The following PCDH7 variants were observed in gnomAD, a reference collection of about 807,000 sequenced individuals.
PCDH7 encodes protocadherin 7, also known as protocadherin-7.
Under a neutral mutation model 58.9 loss-of-function variants are expected in PCDH7, and 17 were observed. The ratio of observed to expected loss-of-function variants is 0.29; its 90% CI spans 0.20 to 0.43. The LOEUF is 0.43. PCDH7 is among the 20% of genes least tolerant of loss of function. PCDH7 has a pLI of 1.00. For missense variants in PCDH7, 1,274 were observed against 1,441.0 expected, an observed-to-expected ratio of 0.88 and a Z score of 1.88; for synonymous variants, 664 against 616.4, an observed-to-expected ratio of 1.08 and a Z score of -1.14.
intron 3 of PCDH7, among the ~76,000 whole-genome samples, chr4:31,092,164 A>G (rs542789256): frequency 2.0e-5 from 3 of 152,196 alleles, no homozygotes; most frequent in South Asian, 4.1e-4. Flanking sequence ...TATTTTCTAT[A>G]TATACATAGT....
At chr4:31,048,708 T>C (rs1440227910) in intron 3 of PCDH7, among the ~76,000 whole-genome samples, 1 of 151,754 alleles carries the variant, frequency 6.6e-6, no homozygotes, top group Non-Finnish European at 1.5e-5. Context: ...ACTAGTACTG[T>C]TGAAAAGAGA....
downstream of PCDH7, among the ~76,000 whole-genome samples, chr4:30,734,735 AG>A (rs1716009430): frequency 6.6e-6 from 1 of 152,142 alleles, no homozygotes; most frequent in Non-Finnish European, 1.5e-5. Context: ...TGCTGGGCTT[AG>A]AGGAGGCACT....
intron 3 of PCDH7, among the ~76,000 whole-genome samples, chr4:31,090,262 T>C (rs1389818197): frequency 6.6e-6 from 1 of 152,110 alleles, no homozygotes; most frequent in African/African-American, 2.4e-5. Context: ...ATTCTTTTTT[T>C]AGAAAATGTT....
intron 3 of PCDH7, among the ~76,000 whole-genome samples, chr4:31,136,845 A>G (rs956790534): frequency 2.6e-5 from 4 of 152,092 alleles, no homozygotes; most frequent in South Asian, 2.1e-4. Context: ...TTGTCTCCTC[A>G]CCTCCAATCT....
intron 3 of PCDH7, among the ~76,000 whole-genome samples, chr4:31,024,783 C>T (rs1754293629): frequency 6.6e-6 from 1 of 152,048 alleles, no homozygotes; most frequent in Admixed American, 6.6e-5. Context: ...ACTCTGTTGC[C>T]TAGGCTGGAG....
At chr4:30,960,235 A>G (rs1463570762) in intron 3 of PCDH7, among the ~76,000 whole-genome samples, 3 of 151,938 alleles carry the variant, frequency 2.0e-5, no homozygotes, top group Non-Finnish European at 4.4e-5. Flanking sequence ...TGGAGATGCT[A>G]CATCCAAGTA....
intron 3 of PCDH7, among the ~76,000 whole-genome samples, chr4:31,057,093 G>A (rs1055657185): frequency 6.6e-6 from 1 of 152,128 alleles, no homozygotes; most frequent in African/African-American, 2.4e-5. Flanking sequence ...ATTCATAAAT[G>A]TACTTTATTA....
chr4:30,771,750 A>G (rs929215993), intron 1 of PCDH7, among the ~76,000 whole-genome samples: 1 of 152,210 alleles, frequency 6.6e-6, no homozygotes, highest in African/African-American at 2.4e-5. Context: ...ATCCTCGGTT[A>G]TTAACTGTGA....
intron 3 of PCDH7, among the ~76,000 whole-genome samples, chr4:31,021,058 AT>A (rs1753980238): frequency 6.6e-6 from 1 of 152,252 alleles, no homozygotes; most frequent in African/African-American, 2.4e-5. Context: ...TCTGAGAAAT[AT>A]GTGGACCAAC....
intron 3 of PCDH7, among the ~76,000 whole-genome samples, chr4:31,095,257 A>T (rs191633224): frequency 2.0e-5 from 3 of 152,060 alleles, no homozygotes; most frequent in Non-Finnish European, 4.4e-5. Context: ...TATTTCTTTG[A>T]TCTAGTGAGT....
chr4:31,053,800 T>C (rs1191025945), intron 3 of PCDH7, among the ~76,000 whole-genome samples: 5 of 152,086 alleles, frequency 3.3e-5, no homozygotes, highest in Non-Finnish European at 7.4e-5. Context: ...AGTTACATAT[T>C]ATGATTCTTT....
rs1440628209 is a variant in PCDH7, at chr4:30,723,162, G to T, written c.1740G>T (p.Gly580=). 8 of 1,614,148 alleles carry T rather than the reference G, an allele frequency of 5.0e-6. No homozygotes were observed. The South Asian group carries it at 6.6e-5, about 13-fold the overall frequency. Residue 580 remains glycine, a synonymous_variant, in exon 1 of 2, where the codon GGG becomes GGT. Transcript: ENST00000361762. This position sits in a 1 kb window ranked among gnomAD's most constrained non-coding sequence, Gnocchi z 4.6. ...ACTCGCTGGACTCCTCTGTGATGGG[G>T]ATCTTTGCCATCGATCCCGATTCTG...
At chr4:30,947,507 A>G (rs930144946) in intron 2 of PCDH7, among the ~76,000 whole-genome samples, 4 of 152,074 alleles carry the variant, frequency 2.6e-5, no homozygotes, top group South Asian at 2.1e-4. Context: ...CAAATACATC[A>G]AATGTATATT....
At chr4:30,856,418 T>C (rs996256395) in intron 1 of PCDH7, among the ~76,000 whole-genome samples, 1 of 152,022 alleles carries the variant, frequency 6.6e-6, no homozygotes, top group African/African-American at 2.4e-5. Flanking sequence ...GAGAATTTAG[T>C]AGGTAAAAGA....
intron 1 of PCDH7, among the ~76,000 whole-genome samples, chr4:30,897,172 G>A (rs1739556821): frequency 6.6e-6 from 1 of 151,912 alleles, no homozygotes. Context: ...CCAAAGTGCT[G>A]GGATTACAGG....
At chr4:30,971,983 T>C (rs931903139) in intron 3 of PCDH7, among the ~76,000 whole-genome samples, 2 of 152,012 alleles carry the variant, frequency 1.3e-5, no homozygotes, top group East Asian at 3.9e-4. Context: ...AAAATAATTA[T>C]TAAAAAGACG....
intron 2 of PCDH7, among the ~76,000 whole-genome samples, chr4:30,947,004 G>T (rs778699479): frequency 6.6e-6 from 1 of 152,014 alleles, no homozygotes; most frequent in Non-Finnish European, 1.5e-5. Flanking sequence ...GAGCCACTGC[G>T]CCCAGCCTTA....
At chr4:31,113,994 G>A (rs1302992227) in intron 3 of PCDH7, among the ~76,000 whole-genome samples, 1 of 151,722 alleles carries the variant, frequency 6.6e-6, no homozygotes, top group African/African-American at 2.4e-5. Flanking sequence ...CACCGGGCTT[G>A]GCTAATTTTT....
chr4:30,853,820 T>A (rs1157960374), intron 1 of PCDH7, among the ~76,000 whole-genome samples: 1 of 152,112 alleles, frequency 6.6e-6, no homozygotes, highest in East Asian at 1.9e-4. Context: ...CAGCCAGGAT[T>A]TTTTTAAAGC....
Sources: allele counts gnomAD v4.1 joint callset (sites outside exome capture counted in the v4.1 genomes callset), GRCh38; gene constraint gnomAD v4.1.1; non-coding constraint Gnocchi (gnomAD v3.1); transcripts MANE v1.5; gene names NCBI Gene and HGNC (gene_info 2026-07-23, HGNC 2026-07-21).